The following C2CD5 variants were observed in gnomAD, a reference collection of about 807,000 sequenced individuals.
C2CD5 encodes the protein C2 domain-containing protein 5.
Under a neutral mutation model 130.3 loss-of-function variants are expected in C2CD5, and 109 were observed. That is an observed-to-expected ratio of 0.84 (90% CI 0.72 to 0.98). The LOEUF is 0.98. Among genes scored for constraint, C2CD5 ranks in the 50% least tolerant of loss-of-function variants. The probability of loss-of-function intolerance (pLI) is 0.00; values close to 1 mark genes in which losing one functional copy is unlikely to be tolerated. For synonymous variants in C2CD5, 454 were observed against 429.2 expected (o/e 1.06, Z -0.71); for missense variants, 996 against 1,261.8 (o/e 0.79, Z 3.19).
intron 8 of C2CD5, 86 bp from the exon 9 acceptor site, chr12:22,513,465 A>C: frequency 1.2e-6 from 1 of 826,684 alleles, no homozygotes; most frequent in Non-Finnish European, 2.1e-6. Flanking sequence ...AAACATCATG[A>C]GTTGAAATGT....
Position 22,470,890 on chromosome 12 carries a change from T to C in C2CD5, c.2380A>G (p.Ile794Val), listed in dbSNP as rs1050325742. ...AAAGCCTGATTTTTGTCAAAAGTGA[T>C]TGCGACTGCCGTGACTGTAACCTAG... ...LIQVTVTAVA[I>V]TFDKNQALQT... Residue 794 changes from isoleucine to valine, a missense_variant, in exon 21 of 27, where the codon ATC becomes GTC. Coordinates refer to ENST00000446597, the MANE Select transcript of C2CD5 (RefSeq NM_001286176.2). 6.8e-6 allele frequency: 11 copies of C among 1,611,948 alleles called. No homozygotes were observed. Among genetic ancestry groups the C allele is most frequent in the Admixed American group, 1.7e-5 (1 of 59,930 alleles).
At chr12:22,465,120 G>C (rs1179243021) in intron 22 of C2CD5, among the ~76,000 whole-genome samples, 2 of 152,080 alleles carry the variant, frequency 1.3e-5, no homozygotes, top group African/African-American at 4.8e-5. Context: ...AAGCCAACTT[G>C]TTTTTATATT....
At chr12:22,533,869 C>T (rs1248584485) in intron 3 of C2CD5, among the ~76,000 whole-genome samples, 1 of 152,204 alleles carries the variant, frequency 6.6e-6, no homozygotes, top group African/African-American at 2.4e-5. Context: ...TGAATTTCTA[C>T]ATGCATGAAT....
At chr12:22,473,125 G>A (rs2136196537) in intron 16 of C2CD5, among the ~76,000 whole-genome samples, 1 of 152,226 alleles carries the variant, frequency 6.6e-6, no homozygotes, top group South Asian at 2.1e-4. Flanking sequence ...TTAATAAAGT[G>A]TAATGAGATC....
intron 10 of C2CD5, among the ~76,000 whole-genome samples, chr12:22,499,899 T>C (rs1276010191): frequency 2.6e-5 from 4 of 152,160 alleles, no homozygotes; most frequent in Non-Finnish European, 5.9e-5. Flanking sequence ...TATAAAAACA[T>C]TTCTAGGTCT....
At position 22,466,561 on chromosome 12, in the gene C2CD5, C is replaced by T. The variant is rs189960450; in HGVS notation, c.2533+3148G>A. The stretch of plus-strand genomic sequence containing the variant: ...ACGCAATTACTCCATTTTTAAGACT[C>T]TATTATATTTTTCAGACCTTTTCAA... On this transcript the variant is annotated intron_variant, in intron 22 of 26. Transcript: ENST00000446597. Among the ~76,000 whole-genome samples, 12 of 152,196 alleles carry T rather than the reference C, an allele frequency of 7.9e-5. No homozygotes were observed. The East Asian group carries it at 1.2e-3, about 15-fold the overall frequency.
chr12:22,528,052 T>C (rs1170693757), intron 3 of C2CD5, among the ~76,000 whole-genome samples, 160 bp from the exon 4 acceptor site: 7 of 152,192 alleles, frequency 4.6e-5, no homozygotes, highest in African/African-American at 1.4e-4. Context: ...CAAAAAGATA[T>C]AGCTCCTTTT....
At chr12:22,493,123 A>G in intron 11 of C2CD5, 100 bp downstream of exon 11, 1 of 680,584 alleles carries the variant, frequency 1.5e-6, no homozygotes, top group Admixed American at 2.4e-5. Flanking sequence ...GCTCCTGAAC[A>G]CTTCGCTATT....
intron 9 of C2CD5, chr12:22,512,554 T>G (rs1949301273): frequency 1.1e-6 from 1 of 938,282 alleles, no homozygotes; most frequent in South Asian, 1.7e-5. Context: ...TGTCAACATT[T>G]GCTAAGATTA....
intron 3 of C2CD5, among the ~76,000 whole-genome samples, chr12:22,532,839 A>G (rs1408733920): frequency 6.6e-6 from 1 of 152,214 alleles, no homozygotes; most frequent in African/African-American, 2.4e-5. Context: ...GTTATGAAAT[A>G]GGCCTCAGAA....
intron 16 of C2CD5, among the ~76,000 whole-genome samples, chr12:22,474,128 A>G (rs1943479928): frequency 6.6e-6 from 1 of 152,106 alleles, no homozygotes; most frequent in Non-Finnish European, 1.5e-5. Flanking sequence ...CTCTCAACTT[A>G]CATCTTAATC....
At chr12:22,512,462 T>C (rs1366197356) in intron 9 of C2CD5, among the ~76,000 whole-genome samples, 1 of 149,040 alleles carries the variant, frequency 6.7e-6, no homozygotes, top group African/African-American at 2.6e-5. Context: ...ACATGCACCA[T>C]ATTAGTTAGT....
At chr12:22,473,433 CCA>C (rs1319219751) in intron 16 of C2CD5, among the ~76,000 whole-genome samples, 4 of 152,154 alleles carry the variant, frequency 2.6e-5, no homozygotes, top group Non-Finnish European at 5.9e-5. Context: ...ACGTGGCTAC[CCA>C]CAGTCACAGC....
rs757598124 is a variant in C2CD5 at position 22,513,345 on chromosome 12, C to T, written c.987G>A (p.Gly329=). 27 of 1,611,658 alleles carry T rather than the reference C, an allele frequency of 1.7e-5. No homozygotes were observed. The highest frequency in any genetic ancestry group is 3.3e-4 in the Middle Eastern group (2 of 6,078). The part of the protein sequence containing the change: ...MGSGSAGKEG[G]PFKALLRQQT... ...GTTGTCTTAAAAGAGCTTTAAAGGG[C>T]CCCCCTTCTTTTCCAGCACTACCAC... The change falls in exon 9 of 27, where the codon GGG becomes GGA. Residue 329 remains glycine, a synonymous_variant. Transcript: ENST00000446597.
At chr12:22,486,789 A>C (rs1283606865) in intron 12 of C2CD5, among the ~76,000 whole-genome samples, 1 of 152,154 alleles carries the variant, frequency 6.6e-6, no homozygotes, top group Non-Finnish European at 1.5e-5. Context: ...GTGTAGTGTA[A>C]GAAAAAGATG....
chr12:22,488,191 TA>T (rs1304291611), intron 12 of C2CD5, among the ~76,000 whole-genome samples: 2 of 151,748 alleles, frequency 1.3e-5, no homozygotes, highest in Non-Finnish European at 2.9e-5. Flanking sequence ...ACTTAAAGTA[TA>T]ATTAAAAAAA....
intron 8 of C2CD5, among the ~76,000 whole-genome samples, chr12:22,516,981 TTTATAA>T (rs1949788138): frequency 6.6e-6 from 1 of 151,918 alleles, no homozygotes; most frequent in East Asian, 1.9e-4. Flanking sequence ...AAAACAGGTG[TTTATAA>T]TTATCTTTAT....
At chr12:22,518,603 G>T (rs1244785006) in intron 7 of C2CD5, among the ~76,000 whole-genome samples, 1 of 152,144 alleles carries the variant, frequency 6.6e-6, no homozygotes, top group Non-Finnish European at 1.5e-5. Flanking sequence ...TAAAAACACA[G>T]CAGAGAGAAA....
chr12:22,476,348 C>G (rs1420338182), intron 15 of C2CD5, among the ~76,000 whole-genome samples: 22 of 151,978 alleles, frequency 1.4e-4, no homozygotes, highest in Admixed American at 1.4e-3. Flanking sequence ...AAAAAAAATG[C>G]TGAGAGATTA....
Sources: allele counts gnomAD v4.1 joint callset (sites outside exome capture counted in the v4.1 genomes callset), GRCh38; gene constraint gnomAD v4.1.1; transcripts MANE v1.5; gene names NCBI Gene and HGNC (gene_info 2026-07-23, HGNC 2026-07-21).